DHX36: variants seen among roughly 807,000 people sequenced by gnomAD.
The protein encoded by DHX36 is ATP-dependent DNA/RNA helicase DHX36.
In DHX36, 50 loss-of-function variants were observed where a neutral mutation model predicts 139.0. The observed-to-expected ratio is 0.36, with a 90% confidence interval of 0.29 to 0.46. The LOEUF (loss-of-function observed/expected upper bound fraction) is 0.46. Among genes scored for constraint, DHX36 ranks in the 20% least tolerant of loss-of-function variants. DHX36 has a pLI of 1.00. For synonymous variants in DHX36, 425 were observed against 401.9 expected (o/e 1.06, Z -0.69); for missense variants, 1,024 against 1,211.3 (o/e 0.85, Z 2.29).
intron 10 of DHX36, 126 bp downstream of exon 10, chr3:154,300,861 T>C: frequency 2.9e-6 from 4 of 1,385,596 alleles, no homozygotes; most frequent in African/African-American, 1.5e-5. Flanking sequence ...GCACAATATT[T>C]AGCTCGAATA....
Position 154,284,636 on chromosome 3 carries a change from C to G in DHX36, c.2239G>C (p.Glu747Gln). 4.3e-6 allele frequency: 7 copies of G among 1,612,790 alleles called. No homozygotes were observed. Among genetic ancestry groups the G allele is most frequent in the Non-Finnish European group, 5.9e-6 (7 of 1,179,434 alleles). ...TCACTTCTAGTATCCTTTGCCAATT[C>G]CTTTCTTCTTGCATCTGCAATCTTT... ...KEKIADARRK[E>Q]LAKDTRSDHL... Residue 747 changes from glutamate to glutamine, a missense_variant, in exon 19 of 25, where the codon GAA becomes CAA. Transcript: ENST00000496811.
chr3:154,312,193 A>G (rs1712786452), intron 3 of DHX36: 1 of 152,202 alleles, frequency 6.6e-6, no homozygotes, highest in Admixed American at 6.5e-5. Context: ...CAGTTAAGTC[A>G]AACTTAAAGT....
chr3:154,304,428 G>A (rs1052656259), intron 8 of DHX36, among the ~76,000 whole-genome samples: 1 of 152,142 alleles, frequency 6.6e-6, no homozygotes, highest in African/African-American at 2.4e-5. Context: ...TATACTACCT[G>A]GAACATTGAA....
rs1037895319 is a variant in DHX36 at position 154,305,143 on chromosome 3, T to C, written c.919A>G (p.Ile307Val). ...QSRLPRKQGS[I>V]LYCTTGIILQ... ...ATGATTCCTGTTGTACAGTATAAGA[T>C]AGAACCCTGTTTCCTTGGCAACCGA... The change falls in exon 7 of 25, where the codon ATC (isoleucine) becomes GTC (valine). Residue 307 changes from isoleucine (I) to valine (V), a missense_variant. Ile to Val is a conservative substitution (Grantham distance 29). This residue lies in a region of DHX36 where 146 missense variants were observed against 215.0 expected (regional missense o/e 0.68). Transcript: ENST00000496811. 1.9e-6 allele frequency: 3 copies of C among 1,613,208 alleles called. No homozygotes were observed. Among genetic ancestry groups the C allele is most frequent in the Non-Finnish European group, 2.5e-6 (3 of 1,179,830 alleles).
At position 154,309,691 on chromosome 3, in the gene DHX36, T is replaced by C. The variant is rs761148618; in HGVS notation, c.775A>G (p.Ile259Val). The C allele has an allele frequency of 3.3e-5, 54 of 1,612,264 alleles. No individual in the cohort carries two copies. Among genetic ancestry groups the C allele is most frequent in the Non-Finnish European group, 4.3e-5 (51 of 1,179,498 alleles). The change falls in exon 5 of 25, where the codon ATA becomes GTA. Residue 259 changes from isoleucine to valine, a missense_variant. By Grantham distance (29) the Ile-to-Val change is conservative (BLOSUM62 3). Coordinates refer to ENST00000496811, the MANE Select transcript of DHX36 (RefSeq NM_020865.3). ...IERGKGSACRIVCTQPRRISA... is the reference protein window; with the variant it reads ...IERGKGSACRVVCTQPRRISA... ...ATTCTTCTTGGCTGAGTACAAACTA[T>C]TCTGCAAGCAGATCCTTTTCCTCTT...
chr3:154,314,259 A>C (rs1313894684), intron 3 of DHX36, among the ~76,000 whole-genome samples: 1 of 152,210 alleles, frequency 6.6e-6, no homozygotes, highest in Non-Finnish European at 1.5e-5. Context: ...TATCTATTCT[A>C]ATACGGAAAT....
At chr3:154,298,793 C>T (rs1215776878) in intron 12 of DHX36, among the ~76,000 whole-genome samples, 1 of 152,050 alleles carries the variant, frequency 6.6e-6, no homozygotes, top group Admixed American at 6.6e-5. Context: ...CAGGTGCCTG[C>T]AGTCCCAGCT....
At chr3:154,306,551 C>G (rs1299559482) in intron 5 of DHX36, among the ~76,000 whole-genome samples, 1 of 152,048 alleles carries the variant, frequency 6.6e-6, no homozygotes, top group Non-Finnish European at 1.5e-5. Flanking sequence ...CTATAGCATC[C>G]TCTCATTAAT....
At position 154,305,127 on chromosome 3, in the gene DHX36, G is replaced by A. The variant is rs771239703; in HGVS notation, c.935C>T (p.Thr312Ile). ...RKQGSILYCT[T>I]GIILQWLQSD... is the part of the protein sequence containing the mutation. The stretch of plus-strand genomic sequence containing the variant: ...CTGGAGCCACTGAAGGATGATTCCT[G>A]TTGTACAGTATAAGATAGAACCCTG... The change falls in exon 7 of 25, where the codon ACA (threonine) becomes ATA (isoleucine). Residue 312 changes from threonine to isoleucine, a missense_variant. Transcript: ENST00000496811. The A allele has an allele frequency of 3.7e-6, 6 of 1,613,764 alleles. No individual in the cohort carries two copies. The highest frequency in any genetic ancestry group is 5.1e-6 in the Non-Finnish European group (6 of 1,179,902).
At chr3:154,322,497 T>C (rs780297663) in intron 1 of DHX36, among the ~76,000 whole-genome samples, 3 of 152,262 alleles carry the variant, frequency 2.0e-5, no homozygotes, top group African/African-American at 4.8e-5. Flanking sequence ...AGTGGTTAGA[T>C]TGGGATATAT....
Position 154,284,604 on chromosome 3 carries a change from T to G in DHX36, c.2271A>C (p.Leu757Phe). 1 of 1,610,424 alleles carries G rather than the reference T, an allele frequency of 6.2e-7. No homozygotes were observed. The highest frequency in any genetic ancestry group is 8.5e-7 in the Non-Finnish European group (1 of 1,178,806). ...ELAKDTRSDH[L>F]TVVNAFEGWE... ...TTACCTCAAACGCATTCACAACTGT[T>G]AAGTGATCACTTCTAGTATCCTTTG... is the stretch of plus-strand genomic sequence containing the variant. The change falls in exon 19 of 25, where the codon TTA becomes TTC. Residue 757 changes from leucine to phenylalanine, a missense_variant. By Grantham distance (22) the Leu-to-Phe change is conservative (BLOSUM62 0). This residue lies in a region of DHX36 where 470 missense variants were observed against 616.2 expected (regional missense o/e 0.76). Transcript: ENST00000496811.
intron 1 of DHX36, 45 bp from the exon 2 acceptor site, chr3:154,316,208 C>T: frequency 6.2e-7 from 1 of 1,604,914 alleles, no homozygotes; most frequent in Non-Finnish European, 8.5e-7. Flanking sequence ...CATAAGAAAG[C>T]ATATGCAAAA....
Position 154,315,090 on chromosome 3 carries a change from C to T in DHX36, c.559G>A (p.Asp187Asn). 6.2e-7 allele frequency: 1 copy of T among 1,610,518 alleles called. No homozygotes were observed. Among genetic ancestry groups the T allele is most frequent in the Non-Finnish European group, 8.5e-7 (1 of 1,178,816 alleles). ...AGGTCATTTTTTTTCTTTTGTAAAT[C>T]TTCCAATAATTTTTGGTCTAAAGTT... ...DGTLDQKLLE[D>N]LQKKKNDLRY... Residue 187 changes from aspartate (D) to asparagine (N), a missense_variant, in exon 3 of 25, where the codon GAT becomes AAT. By Grantham distance (23) the Asp-to-Asn change is conservative. This residue lies in a region of DHX36 where 293 missense variants were observed against 274.4 expected (regional missense o/e 1.07). Coordinates refer to ENST00000496811, the MANE Select transcript of DHX36 (RefSeq NM_020865.3).
intron 1 of DHX36, among the ~76,000 whole-genome samples, chr3:154,320,225 G>T (rs1713137185): frequency 6.6e-6 from 1 of 152,040 alleles, no homozygotes; most frequent in South Asian, 2.1e-4. Context: ...ATCTTTCCTA[G>T]ATTATTTTGT....
Position 154,311,620 on chromosome 3 carries a change from GA to G in DHX36, c.642+15del. ...AATTTGCAAATCAAATTAAATAGTG[GA>G]AAAAAGCACTTTACCTTTTGCATTC... On this transcript the variant is annotated intron_variant, in intron 4 of 24. Transcript: ENST00000496811. 20 of 1,590,264 alleles carry G rather than the reference GA, an allele frequency of 1.3e-5. No homozygotes were observed. Among genetic ancestry groups the G allele is most frequent in the Non-Finnish European group, 1.6e-5 (19 of 1,172,750 alleles).
At chr3:154,311,754 G>A (rs140044517) in intron 3 of DHX36, 80 bp from the exon 4 acceptor site, 1,046 of 1,084,550 alleles carry the variant, frequency 9.6e-4, no homozygotes, top group Middle Eastern at 3.2e-3. Flanking sequence ...ATACATCACA[G>A]GGTAAATTGG....
chr3:154,278,303 G>GATAGTC lies in DHX36; in HGVS notation c.2568-591_2568-586dup, dbSNP rs568800328. ...TCAATTCCTAGGTCATTTTTTTTTT[G>GATAGTC]ATAGTCATACACATTTTATCTCAAT... is the stretch of plus-strand genomic sequence containing the variant. On this transcript the variant is annotated intron_variant, in intron 22 of 24. Transcript: ENST00000496811. Among the ~76,000 whole-genome samples the GATAGTC allele has an allele frequency of 2.2e-4, 33 of 149,988 alleles. 1 individual carries two copies. The South Asian group carries it at 6.8e-3, about 31-fold the overall frequency.
chr3:154,300,583 A>C lies in DHX36; in HGVS notation c.1461+11T>G, dbSNP rs1048783373. On this transcript the variant is annotated intron_variant, in intron 11 of 24. Transcript: ENST00000496811. ...AATTATGTTAACTGAAGAAAGAAAA[A>C]TAAAACTAACCTCTTCTTCCAAAAC... 7 of 1,602,262 alleles carry C rather than the reference A, an allele frequency of 4.4e-6. No individual in the cohort carries two copies. Among genetic ancestry groups the C allele is most frequent in the Non-Finnish European group, 6.0e-6 (7 of 1,172,834 alleles).
At chr3:154,317,734 G>T (rs1576883680) in intron 1 of DHX36, among the ~76,000 whole-genome samples, 1 of 152,044 alleles carries the variant, frequency 6.6e-6, no homozygotes, top group East Asian at 1.9e-4. Context: ...TTTGATTTTT[G>T]GGGAAAAAAG....
Sources: allele counts gnomAD v4.1 joint callset (sites outside exome capture counted in the v4.1 genomes callset), GRCh38; gene constraint gnomAD v4.1.1; regional missense constraint gnomAD v4.1.1; transcripts MANE v1.5; gene names NCBI Gene and HGNC (gene_info 2026-07-23, HGNC 2026-07-21).